Variants in COQ5 observed in about 807,000 individuals in gnomAD.
The protein encoded by COQ5 is 2-methoxy-6-polyprenyl-1,4-benzoquinol methylase, mitochondrial.
COQ5 carries 27 observed loss-of-function variants against 40.5 expected under a neutral mutation model. That is an observed-to-expected ratio of 0.67 (90% CI 0.49 to 0.92). The LOEUF is 0.92. COQ5 is among the 40% of genes least tolerant of loss of function. The pLI, the probability that COQ5 is intolerant of heterozygous loss-of-function variation, is 0.00. For synonymous variants in COQ5, 141 were observed against 150.0 expected, an observed-to-expected ratio of 0.94 and a Z score of 0.44; for missense variants, 409 against 406.4, an observed-to-expected ratio of 1.01 and a Z score of -0.06.
chr12:120,516,377 A>G lies in COQ5; in HGVS notation c.574+190T>C, dbSNP rs12821493. ...ACATAGGGCTGGGTAAGCTCACTCA[A>G]TGGGCTGCTATGCATACATAATGCA... On this transcript the variant is annotated intron_variant, in intron 3 of 6. Coordinates refer to ENST00000288532, the MANE Select transcript of COQ5 (RefSeq NM_032314.4). Among the ~76,000 whole-genome samples, 541 of 152,252 alleles carry G rather than the reference A, an allele frequency of 3.6e-3. 1 individual carries two copies. The highest frequency in any genetic ancestry group is 6.5e-3 in the Non-Finnish European group (445 of 68,018).
intron 2 of COQ5, among the ~76,000 whole-genome samples, chr12:120,520,473 A>G (rs1007825495): frequency 3.3e-5 from 5 of 151,900 alleles, no homozygotes; most frequent in African/African-American, 9.7e-5. Context: ...TTACAGGCGC[A>G]TGCCACCACA....
intron 2 of COQ5, among the ~76,000 whole-genome samples, chr12:120,517,185 T>G (rs1459406372): frequency 1.3e-5 from 2 of 150,098 alleles, no homozygotes; most frequent in East Asian, 4.0e-4. Context: ...CGTCTCTACA[T>G]TTTTAAAAAT....
In COQ5 at chr12:120,504,970, G is replaced by A; in HGVS notation, c.695C>T (p.Ala232Val). ...TCCTCCTGGTTTCAGCACCCGATGA[G>A]CTTCCTGGAGTGCCTGAGCAAGACA... The part of the protein sequence containing the change: ...VTHIDQALQE[A>V]HRVLKPGGRF... Residue 232 changes from alanine to valine, a missense_variant, in exon 5 of 7, where the codon GCT (alanine) becomes GTT (valine). Ala to Val is a moderately conservative substitution (Grantham distance 64). Coordinates refer to ENST00000288532, the MANE Select transcript of COQ5 (RefSeq NM_032314.4). 6.2e-7 allele frequency: 1 copy of A among 1,614,104 alleles called. No individual in the cohort carries two copies. The highest frequency in any genetic ancestry group is 8.5e-7 in the Non-Finnish European group (1 of 1,179,980).
At chr12:120,505,202 G>C (rs1868825258) in intron 4 of COQ5, among the ~76,000 whole-genome samples, 1 of 152,022 alleles carries the variant, frequency 6.6e-6, no homozygotes, top group African/African-American at 2.4e-5. Flanking sequence ...AGTTAGCTGG[G>C]GTAATCTAAA....
At chr12:120,519,646 G>GT (rs1347451971) in intron 2 of COQ5, among the ~76,000 whole-genome samples, 2 of 152,148 alleles carry the variant, frequency 1.3e-5, no homozygotes, top group Non-Finnish European at 2.9e-5. Context: ...TGAGGTGGGT[G>GT]TATCACCTGA....
In COQ5 at chr12:120,506,676, T is replaced by TA. The variant is rs397935049; in HGVS notation, c.682-1694dup. Among the ~76,000 whole-genome samples, 713 of 151,680 alleles carry TA rather than the reference T, an allele frequency of 4.7e-3. 1 individual carries two copies. Among genetic ancestry groups the TA allele is most frequent in the Non-Finnish European group, 7.9e-3 (534 of 67,800 alleles). On this transcript the variant is annotated intron_variant, in intron 4 of 6. Coordinates refer to ENST00000288532, the MANE Select transcript of COQ5 (RefSeq NM_032314.4). ...GCCACCACGCCCAGCCTATTTTTTT[T>TA]ATTATTCTGCCTCCCTATCACAGCC...
At chr12:120,520,976 G>A (rs560682113) in intron 2 of COQ5, among the ~76,000 whole-genome samples, 15 of 151,936 alleles carry the variant, frequency 9.9e-5, no homozygotes, top group Admixed American at 5.9e-4. Flanking sequence ...AAGAAAAGGG[G>A]GTTAAAGGTT....
At chr12:120,518,521 A>G (rs1434887802) in intron 2 of COQ5, among the ~76,000 whole-genome samples, 1 of 150,618 alleles carries the variant, frequency 6.6e-6, no homozygotes, top group African/African-American at 2.4e-5. Flanking sequence ...TGTCCAACCA[A>G]TTAGGTATTC....
At position 120,525,552 on chromosome 12, in the gene COQ5, G is replaced by T. The variant is rs533671307; in HGVS notation, c.203-3189C>A. 2.8e-4 allele frequency among the ~76,000 whole-genome samples: 42 copies of T among 152,190 alleles called. 1 individual carries two copies. The highest frequency in any genetic ancestry group is 2.5e-3 in the Admixed American group (38 of 15,282). On this transcript the variant is annotated intron_variant, in intron 1 of 6. Transcript: ENST00000288532. ...GACTGCTTGAACCCAGGAGTTCAAG[G>T]CTGCAGTGTGCTATGATTGTGCCTG...
chr12:120,524,300 G>A (rs1360641634), intron 1 of COQ5, among the ~76,000 whole-genome samples: 5 of 150,794 alleles, frequency 3.3e-5, no homozygotes, highest in East Asian at 3.9e-4. Context: ...TCGCTCTGTC[G>A]CCCAGGCTGC....
At chr12:120,511,907 A>C (rs1869151512) in intron 3 of COQ5, among the ~76,000 whole-genome samples, 1 of 152,222 alleles carries the variant, frequency 6.6e-6, no homozygotes, top group Non-Finnish European at 1.5e-5. Context: ...ATATGGAAGA[A>C]TAGCATAAAA....
chr12:120,512,236 A>T (rs1869167549), intron 3 of COQ5, among the ~76,000 whole-genome samples: 2 of 151,954 alleles, frequency 1.3e-5, no homozygotes, highest in South Asian at 2.1e-4. Context: ...AAAATAAAAT[A>T]AAAATAATGA....
chr12:120,507,664 G>T (rs2137078870), intron 4 of COQ5, among the ~76,000 whole-genome samples: 1 of 149,148 alleles, frequency 6.7e-6, no homozygotes, highest in African/African-American at 2.4e-5. Context: ...GAGGTGGGTG[G>T]ATCACCTGAG....
In COQ5 at chr12:120,516,731, T is replaced by G. The variant is rs779488401; in HGVS notation, c.410A>C (p.Lys137Thr). Residue 137 changes from lysine (K) to threonine (T), a missense_variant, in exon 3 of 7, where the codon AAG (lysine) becomes ACG (threonine). Lys to Thr is a moderately conservative substitution (Grantham distance 78). Transcript: ENST00000288532. ...ATTTTGTTGGGCCCTTAACTGCCTC[T>G]TCTGTTTTCTCTGATGCTGGGACTG... ...YVQSQHQRKQ[K>T]RQLRAQQNLS... The G allele has an allele frequency of 1.1e-5, 17 of 1,614,224 alleles. No homozygotes were observed. Among genetic ancestry groups the G allele is most frequent in the Non-Finnish European group, 1.4e-5 (17 of 1,180,022 alleles).
At chr12:120,513,427 G>GGGAGGC (rs1565930686) in intron 3 of COQ5, among the ~76,000 whole-genome samples, 1 of 151,090 alleles carries the variant, frequency 6.6e-6, no homozygotes, top group Non-Finnish European at 1.5e-5. Context: ...GCGTGAACCC[G>GGGAGGC]GGAGGCGGAG....
chr12:120,503,701 T>G lies in COQ5; in HGVS notation c.*83A>C, dbSNP rs768929598. ...GTATCCTTAAGAGGAGATGCTCTGC[T>G]GCTGTCTCATTTGCCAGATTATCCT... On this transcript the variant is annotated 3_prime_UTR_variant, in exon 7 of 7. Coordinates refer to ENST00000288532, the MANE Select transcript of COQ5 (RefSeq NM_032314.4). The G allele has an allele frequency of 1.0e-6, 1 of 959,960 alleles. No homozygotes were observed. Among genetic ancestry groups the G allele is most frequent in the East Asian group, 2.5e-5 (1 of 40,352 alleles). 59.5% of individuals were successfully genotyped at this position (959,960 alleles called of 1,614,324 possible). A position where few individuals can be genotyped will look rare whatever the true frequency, so the allele number is the denominator to read the frequency against.
chr12:120,510,408 C>A (rs1869075706), intron 3 of COQ5, among the ~76,000 whole-genome samples: 1 of 152,118 alleles, frequency 6.6e-6, no homozygotes. Flanking sequence ...CTCCTGGACT[C>A]AAAGGATCCT....
At chr12:120,516,446 A>C in intron 3 of COQ5, 121 bp downstream of exon 3, 1 of 859,634 alleles carries the variant, frequency 1.2e-6, no homozygotes, top group Non-Finnish European at 2.0e-6. Context: ...AATCATCTTC[A>C]ACCTGCCCAT....
At chr12:120,527,970 CAG>C (rs1399343384) in intron 1 of COQ5, among the ~76,000 whole-genome samples, 2 of 96,756 alleles carry the variant, frequency 2.1e-5, no homozygotes, top group Non-Finnish European at 3.7e-5. Context: ...CTGGGGGTGA[CAG>C]AGAGAGACTC....
Sources: allele counts gnomAD v4.1 joint callset (sites outside exome capture counted in the v4.1 genomes callset), GRCh38; gene constraint gnomAD v4.1.1; transcripts MANE v1.5; gene names NCBI Gene and HGNC (gene_info 2026-07-23, HGNC 2026-07-21).